The following RTN1 variants were observed in gnomAD, a reference collection of about 807,000 sequenced individuals.
RTN1 encodes the protein reticulon-1.
A neutral mutation model predicts 65.5 loss-of-function variants in RTN1; 25 were observed. The observed-to-expected ratio is 0.38, with a 90% CI of 0.28 to 0.53. RTN1 has a LOEUF of 0.53. Ranked by LOEUF, RTN1 falls within the 20% of genes least tolerant of loss-of-function variation. The pLI, the probability that RTN1 is intolerant of heterozygous loss-of-function variation, is 0.79. For synonymous variants in RTN1, 471 were observed against 447.6 expected, an observed-to-expected ratio of 1.05 and a Z score of -0.66; for missense variants, 983 against 1,025.4, an observed-to-expected ratio of 0.96 and a Z score of 0.57.
intron 1 of RTN1, among the ~76,000 whole-genome samples, chr14:59,761,534 C>G (rs918671454): frequency 1.3e-5 from 2 of 152,160 alleles, no homozygotes; most frequent in East Asian, 3.9e-4. Context: ...TATAAATTAT[C>G]CAGTCTCAGG....
At chr14:59,710,512 A>T (rs930487997) in intron 3 of RTN1, among the ~76,000 whole-genome samples, 2 of 152,234 alleles carry the variant, frequency 1.3e-5, no homozygotes, top group African/African-American at 4.8e-5. Flanking sequence ...GCTTGAGCTA[A>T]ATGTTGAGCA....
intron 1 of RTN1, among the ~76,000 whole-genome samples, chr14:59,792,738 G>C (rs1413712773): frequency 2.0e-5 from 3 of 151,988 alleles, no homozygotes; most frequent in Non-Finnish European, 4.4e-5. Flanking sequence ...AACCTCAAAA[G>C]CACATTGTAA....
intron 3 of RTN1, among the ~76,000 whole-genome samples, chr14:59,687,500 G>C (rs897276774): frequency 6.6e-6 from 1 of 151,096 alleles, no homozygotes; most frequent in African/African-American, 2.4e-5. Flanking sequence ...AGTAGCTTGA[G>C]TCAGCCCATC....
At chr14:59,658,781 CA>C (rs976435837) in intron 3 of RTN1, among the ~76,000 whole-genome samples, 20 of 152,274 alleles carry the variant, frequency 1.3e-4, no homozygotes, top group Admixed American at 7.8e-4. Flanking sequence ...GAGGAAAAAC[CA>C]GCACAAAATG....
chr14:59,714,758 C>T (rs1884498728), intron 3 of RTN1, among the ~76,000 whole-genome samples: 1 of 152,216 alleles, frequency 6.6e-6, no homozygotes, highest in Admixed American at 6.5e-5. Flanking sequence ...CCCATTACAA[C>T]ATGGGCATCA....
rs1050106798 is a variant in RTN1 at position 59,825,052 on chromosome 14, T to C, written c.241+45338A>G. Among the ~76,000 whole-genome samples, 4 of 152,216 alleles carry C rather than the reference T, an allele frequency of 2.6e-5. No individual in the cohort carries two copies. The highest frequency in any genetic ancestry group is 2.9e-5 in the Non-Finnish European group (2 of 68,038). On this transcript the variant is annotated intron_variant, in intron 1 of 8. Transcript: ENST00000267484. This position sits in a 1 kb window ranked among gnomAD's most constrained non-coding sequence, Gnocchi z 4.2. Reference sequence around the variant, plus strand: ...TTTCAGTTACAAGATAAATAAGTTCTGGAAATCTAATGTAAAGCATAGTGA... The same window carrying C: ...TTTCAGTTACAAGATAAATAAGTTCCGGAAATCTAATGTAAAGCATAGTGA...
intron 3 of RTN1, among the ~76,000 whole-genome samples, chr14:59,651,398 A>C (rs576698282): frequency 1.2e-4 from 18 of 152,152 alleles, no homozygotes; most frequent in Non-Finnish European, 2.2e-4. Flanking sequence ...AAGGTGGATT[A>C]AAGACTTAAA....
At chr14:59,835,477 A>C (rs958328656) in intron 1 of RTN1, among the ~76,000 whole-genome samples, 1 of 152,130 alleles carries the variant, frequency 6.6e-6, no homozygotes, top group Admixed American at 6.6e-5. Context: ...CTTCAATAAA[A>C]CTTTTTTAAA....
At chr14:59,740,963 C>T (rs543268426) in intron 2 of RTN1, among the ~76,000 whole-genome samples, 1 of 152,200 alleles carries the variant, frequency 6.6e-6, no homozygotes, top group South Asian at 2.1e-4. Context: ...GTGTTTGCTG[C>T]TGATGATAAT....
chr14:59,777,411 G>A (rs1246128565), intron 1 of RTN1, among the ~76,000 whole-genome samples: 2 of 152,120 alleles, frequency 1.3e-5, no homozygotes, highest in Non-Finnish European at 2.9e-5. Context: ...TGCTAAAGCT[G>A]CAACAAGGCT....
intron 3 of RTN1, among the ~76,000 whole-genome samples, chr14:59,677,084 C>G (rs944010517): frequency 2.6e-5 from 4 of 152,202 alleles, no homozygotes; most frequent in African/African-American, 9.6e-5. Context: ...GTGAGGGGAG[C>G]TGGCTCCCAC....
chr14:59,750,562 TAA>T (rs1320310275), intron 1 of RTN1, among the ~76,000 whole-genome samples: 1 of 56,488 alleles, frequency 1.8e-5, no homozygotes, highest in Non-Finnish European at 2.8e-5. Flanking sequence ...AATATATCTA[TAA>T]TATATATATT....
At position 59,870,541 on chromosome 14, in the gene RTN1, G is replaced by A; in HGVS notation, c.90C>T (p.Asn30=). 2 of 1,458,848 alleles carry A rather than the reference G, an allele frequency of 1.4e-6. No individual in the cohort carries two copies. The highest frequency in any genetic ancestry group is 1.8e-6 in the Non-Finnish European group (2 of 1,111,220). The allele number at this position is 1,458,848 out of a possible 1,614,324, so 90.4% of individuals were successfully genotyped here. A position where few individuals can be genotyped will look rare whatever the true frequency, so the allele number is the denominator to read the frequency against. The change falls in exon 1 of 9, where the codon AAC becomes AAT. Residue 30 remains asparagine (N), a synonymous_variant. Coordinates refer to ENST00000267484, the MANE Select transcript of RTN1 (RefSeq NM_021136.3). The surrounding 1 kb of genome is among the most constrained non-coding windows in gnomAD (Gnocchi z 5.1). The part of the protein sequence containing the change: ...QWLRHRGEGE[N]EAVTPKGATP... ...TGGCCCCTTTCGGCGTCACCGCTTC[G>A]TTCTCCCCCTCCCCCCGGTGCCTGA...
chr14:59,792,211 T>G, intron 1 of RTN1, among the ~76,000 whole-genome samples: 1 of 152,176 alleles, frequency 6.6e-6, no homozygotes, highest in East Asian at 1.9e-4. Context: ...GAGGGAGATT[T>G]TGTGATTTGG....
chr14:59,860,444 TG>T (rs748255764), intron 1 of RTN1, among the ~76,000 whole-genome samples: 9 of 152,200 alleles, frequency 5.9e-5, no homozygotes, highest in Non-Finnish European at 1.0e-4. Context: ...GCTGCAGGGG[TG>T]GGGCTCTCAG....
At chr14:59,695,707 C>T (rs1039791941) in intron 3 of RTN1, among the ~76,000 whole-genome samples, 2 of 152,042 alleles carry the variant, frequency 1.3e-5, no homozygotes, top group African/African-American at 2.4e-5. Context: ...AAAACATTAC[C>T]ATCTCTTTTA....
intron 1 of RTN1, among the ~76,000 whole-genome samples, chr14:59,810,991 G>T (rs1886718466): frequency 6.6e-6 from 1 of 152,174 alleles, no homozygotes. Context: ...CTATTGTGGT[G>T]CAGGAAGAAA....
chr14:59,675,198 C>G (rs1448591996), intron 3 of RTN1, among the ~76,000 whole-genome samples: 3 of 152,018 alleles, frequency 2.0e-5, no homozygotes, highest in African/African-American at 7.3e-5. Context: ...GGAAGGTTTC[C>G]TGGAATAAAT....
chr14:59,789,932 T>C (rs983693173), intron 1 of RTN1, among the ~76,000 whole-genome samples: 2 of 152,108 alleles, frequency 1.3e-5, no homozygotes, highest in Non-Finnish European at 2.9e-5. Context: ...AAATTTTACA[T>C]GGCTTTTATA....
Sources: gnomAD v4.1 joint callset for allele counts (sites outside exome capture counted in the v4.1 genomes callset) on GRCh38, gnomAD v4.1.1 for gene constraint, Gnocchi (gnomAD v3.1) non-coding constraint, MANE v1.5 for transcripts, NCBI Gene and HGNC (gene_info 2026-07-23, HGNC 2026-07-21) for gene names.